TCF4: variants seen among roughly 807,000 people sequenced by gnomAD.
TCF4 encodes the protein SL3-3 enhancer factor 2.
TCF4 carries 3 observed loss-of-function variants against 82.1 expected under a neutral mutation model. That is an observed-to-expected ratio of 0.04 (90% CI 0.02 to 0.09). The LOEUF (loss-of-function observed/expected upper bound fraction) is 0.09. TCF4 is among the 10% of genes least tolerant of loss of function. TCF4 has a pLI of 1.00. For synonymous variants in TCF4, 276 were observed against 309.6 expected (o/e 0.89, Z 1.14); for missense variants, 518 against 852.7 (o/e 0.61, Z 4.89).
At chr18:55,412,566 C>T (rs983715818) in intron 5 of TCF4, among the ~76,000 whole-genome samples, 3 of 152,060 alleles carry the variant, frequency 2.0e-5, no homozygotes, top group African/African-American at 4.8e-5. Flanking sequence ...TGACCTGGTT[C>T]GTTCATTTAA....
At chr18:55,308,884 C>T (rs2071263200) in intron 8 of TCF4, among the ~76,000 whole-genome samples, 1 of 152,164 alleles carries the variant, frequency 6.6e-6, no homozygotes, top group South Asian at 2.1e-4. Context: ...CCCACATGAT[C>T]TTCAGCAAGT....
At chr18:55,454,254 C>A (rs781227591) in intron 5 of TCF4, among the ~76,000 whole-genome samples, 1 of 152,112 alleles carries the variant, frequency 6.6e-6, no homozygotes, top group African/African-American at 2.4e-5. Flanking sequence ...TAATATGGCC[C>A]GTTTCCTATC....
At chr18:55,564,763 G>A (rs1407922924) in intron 3 of TCF4, among the ~76,000 whole-genome samples, 1 of 152,202 alleles carries the variant, frequency 6.6e-6, no homozygotes, top group African/African-American at 2.4e-5. Flanking sequence ...GATGACTTAA[G>A]AAGATAATGT....
chr18:55,408,397 TC>T (rs2094194870), intron 5 of TCF4, among the ~76,000 whole-genome samples: 1 of 152,092 alleles, frequency 6.6e-6, no homozygotes. Flanking sequence ...TAAATTTCTG[TC>T]CCCATCCCCA....
intron 15 of TCF4, among the ~76,000 whole-genome samples, chr18:55,246,578 T>C (rs748473072): frequency 1.6e-4 from 25 of 152,208 alleles, no homozygotes; most frequent in Non-Finnish European, 2.4e-4. Context: ...CTTACTTCTA[T>C]TGCTGTTTTC....
At chr18:55,507,325 T>C (rs1213354266) in intron 3 of TCF4, among the ~76,000 whole-genome samples, 1 of 152,182 alleles carries the variant, frequency 6.6e-6, no homozygotes, top group Non-Finnish European at 1.5e-5. Context: ...TAACAGTCAA[T>C]CTGAAAACCT....
chr18:55,611,174 C>T (rs1296105397), intron 2 of TCF4, among the ~76,000 whole-genome samples: 2 of 152,172 alleles, frequency 1.3e-5, no homozygotes, highest in Non-Finnish European at 2.9e-5. Context: ...AGATAAGCAG[C>T]TGATTGGGCC....
intron 10 of TCF4, among the ~76,000 whole-genome samples, chr18:55,274,986 G>A (rs1202898506): frequency 6.6e-6 from 1 of 152,104 alleles, no homozygotes; most frequent in Non-Finnish European, 1.5e-5. Context: ...ACATTCTAGA[G>A]CCCACCAGTT....
intron 8 of TCF4, among the ~76,000 whole-genome samples, chr18:55,317,598 T>C (rs1010161156): frequency 7.9e-5 from 12 of 152,066 alleles, no homozygotes; most frequent in Admixed American, 7.2e-4. Context: ...CATTTAAATA[T>C]TGATCTTTTT....
At chr18:55,597,835 C>A (rs983641986) in intron 2 of TCF4, among the ~76,000 whole-genome samples, 1 of 152,144 alleles carries the variant, frequency 6.6e-6, no homozygotes, top group African/African-American at 2.4e-5. Flanking sequence ...CAACCCCCTC[C>A]CCACCTAACT....
rs377334964 is a variant in TCF4 at position 55,451,718 on chromosome 18, A to G, written c.304+9301T>C. On this transcript the variant is annotated intron_variant, in intron 5 of 19. Transcript: ENST00000354452. ...GAGTAATGAGAGGTTTGAGAAACAC[A>G]AAGTGTTTAATCGCAACCCCGCCAC... Among the ~76,000 whole-genome samples, 6 of 152,332 alleles carry G rather than the reference A, an allele frequency of 3.9e-5. No homozygotes were observed. The East Asian group carries it at 1.2e-3, about 29-fold the overall frequency.
intron 3 of TCF4, among the ~76,000 whole-genome samples, chr18:55,504,850 A>C (rs915119568): frequency 2.6e-5 from 4 of 152,228 alleles, no homozygotes; most frequent in Admixed American, 2.0e-4. Context: ...ATTTGGCAGA[A>C]AAACCGTAAT....
intron 3 of TCF4, among the ~76,000 whole-genome samples, chr18:55,522,558 T>C (rs369019213): frequency 3.9e-5 from 6 of 152,234 alleles, no homozygotes; most frequent in African/African-American, 1.4e-4. Flanking sequence ...ATAGGAAATA[T>C]TGTAAGAAAA....
chr18:55,581,648 C>G (rs1484358801), intron 3 of TCF4, among the ~76,000 whole-genome samples: 1 of 151,904 alleles, frequency 6.6e-6, no homozygotes, highest in Non-Finnish European at 1.5e-5. Context: ...GATGTGACCA[C>G]GTTAATTTTC....
At chr18:55,503,904 A>G (rs1188526628) in intron 3 of TCF4, among the ~76,000 whole-genome samples, 4 of 152,070 alleles carry the variant, frequency 2.6e-5, no homozygotes, top group African/African-American at 9.7e-5. Flanking sequence ...ATGAAACTCC[A>G]TCTCTACTAA....
chr18:55,584,515 T>C (rs2097613594), intron 3 of TCF4, among the ~76,000 whole-genome samples: 2 of 147,988 alleles, frequency 1.4e-5, no homozygotes, highest in East Asian at 2.0e-4. Context: ...CTCTGCACTT[T>C]TAATAAGAGA....
At chr18:55,463,953 T>C (rs1478236352) in intron 4 of TCF4, 123 bp downstream of exon 4, 2 of 687,318 alleles carry the variant, frequency 2.9e-6, no homozygotes, top group Non-Finnish European at 5.2e-6. Context: ...TGCCTCTGTG[T>C]GTGTGTGTGT....
intron 1 of TCF4, among the ~76,000 whole-genome samples, chr18:55,634,790 C>T (rs2097734706): frequency 6.6e-6 from 1 of 152,070 alleles, no homozygotes; most frequent in Non-Finnish European, 1.5e-5. Context: ...AGGATCTGAA[C>T]TTGAAAGATG....
chr18:55,627,842 C>T (rs9675722), intron 2 of TCF4, among the ~76,000 whole-genome samples: 9 of 151,836 alleles, frequency 5.9e-5, no homozygotes, highest in African/African-American at 1.7e-4. Context: ...GGGCGGATCA[C>T]GAGGTTAGGA....
Sources: allele counts gnomAD v4.1 joint callset (sites outside exome capture counted in the v4.1 genomes callset), GRCh38; gene constraint gnomAD v4.1.1; transcripts MANE v1.5; gene names NCBI Gene and HGNC (gene_info 2026-07-23, HGNC 2026-07-21).